EPHB2: variants seen among roughly 807,000 people sequenced by gnomAD.
EPHB2 encodes the protein ephrin type-B receptor 2.
EPHB2 carries 18 observed loss-of-function variants against 96.4 expected under a neutral mutation model. That is an observed-to-expected ratio of 0.19 (90% CI 0.13 to 0.28). The LOEUF (loss-of-function observed/expected upper bound fraction) is 0.28. Ranked by LOEUF, EPHB2 falls within the 10% of genes least tolerant of loss-of-function variation. The pLI is 1.00. For missense variants in EPHB2, 989 were observed against 1,355.4 expected (o/e 0.73, Z 4.25); for synonymous variants, 506 against 534.1 (o/e 0.95, Z 0.72).
rs962247777 is a variant in EPHB2 at position 22,790,309 on chromosome 1, T to C, written c.811+5233T>C. Among the ~76,000 whole-genome samples the C allele has an allele frequency of 6.6e-6, 1 of 152,024 alleles. No individual in the cohort carries two copies. Among genetic ancestry groups the C allele is most frequent in the African/African-American group, 2.4e-5 (1 of 41,368 alleles). On this transcript the variant is annotated intron_variant, in intron 3 of 15. Transcript: ENST00000374630. This position sits in a 1 kb window ranked among gnomAD's most constrained non-coding sequence, Gnocchi z 4.0. ...ATTCACCTGTTCATTTTTTATCGCA[T>C]GCCTAATCGGGGTCTACACTGGGCA... is the stretch of plus-strand genomic sequence containing the variant.
chr1:22,829,043 A>G (rs1465695351), intron 3 of EPHB2, among the ~76,000 whole-genome samples: 1 of 152,280 alleles, frequency 6.6e-6, no homozygotes, highest in Non-Finnish European at 1.5e-5. Context: ...AATATTCAAT[A>G]TTCAGGTGCC....
intron 3 of EPHB2, among the ~76,000 whole-genome samples, chr1:22,813,058 T>C (rs1160617622): frequency 1.3e-5 from 2 of 152,242 alleles, no homozygotes; most frequent in Non-Finnish European, 2.9e-5. Flanking sequence ...TGGCATATTA[T>C]ATACTTGCGT....
chr1:22,769,404 T>C (rs1157574351), intron 1 of EPHB2, among the ~76,000 whole-genome samples: 1 of 149,528 alleles, frequency 6.7e-6, no homozygotes, highest in Admixed American at 6.7e-5. Flanking sequence ...TCCAATACTT[T>C]TTTCTTTTTC....
chr1:22,851,657 G>T (rs1645627368), intron 3 of EPHB2, among the ~76,000 whole-genome samples: 1 of 152,208 alleles, frequency 6.6e-6, no homozygotes, highest in Admixed American at 6.5e-5. Context: ...AGATCGTGAA[G>T]ATTCTGCTGA....
intron 3 of EPHB2, among the ~76,000 whole-genome samples, chr1:22,854,803 G>T (rs1435020837): frequency 1.3e-5 from 2 of 152,150 alleles, no homozygotes; most frequent in Non-Finnish European, 2.9e-5. Flanking sequence ...TACGGAGGAG[G>T]ACCAGGCATC....
intron 1 of EPHB2, among the ~76,000 whole-genome samples, chr1:22,762,197 G>A: frequency 6.6e-6 from 1 of 152,172 alleles, no homozygotes; most frequent in East Asian, 1.9e-4. Flanking sequence ...TGTCCCTGAT[G>A]GCACCAGGGG....
At chr1:22,911,661 C>G (rs901003556) in intron 14 of EPHB2, among the ~76,000 whole-genome samples, 2 of 152,214 alleles carry the variant, frequency 1.3e-5, no homozygotes, top group Admixed American at 6.5e-5. Context: ...CACACACTTA[C>G]TCCTCAGGAC....
In EPHB2 at chr1:22,784,301, C is replaced by A; in HGVS notation, c.127-91C>A. The A allele has an allele frequency of 7.7e-7, 1 of 1,301,108 alleles. No homozygotes were observed. The highest frequency in any genetic ancestry group is 2.3e-5 in the East Asian group (1 of 42,688). 80.6% of individuals were successfully genotyped at this position (1,301,108 alleles called of 1,614,324 possible). A position where few individuals can be genotyped will look rare whatever the true frequency, so the allele number is the denominator to read the frequency against. On this transcript the variant is annotated intron_variant, in intron 2 of 15. Coordinates refer to ENST00000374630, the MANE Select transcript of EPHB2 (RefSeq NM_017449.5). The surrounding 1 kb of genome is among the most constrained non-coding windows in gnomAD (Gnocchi z 5.1). ...TCTTCACCATTAGACTGGAGGGTTC[C>A]CTAAGGCAGAGTCTGTGTCTTCCAC...
chr1:22,737,828 TC>T (rs1257546803), intron 1 of EPHB2, among the ~76,000 whole-genome samples: 1 of 152,046 alleles, frequency 6.6e-6, no homozygotes, highest in African/African-American at 2.4e-5. Context: ...GAAAATAACT[TC>T]CCCCTCTATC....
At chr1:22,725,874 G>C (rs897900752) in intron 1 of EPHB2, among the ~76,000 whole-genome samples, 14 of 152,156 alleles carry the variant, frequency 9.2e-5, no homozygotes, top group Admixed American at 9.2e-4. Flanking sequence ...TTAGAGCCAG[G>C]GGGAGATGCA....
intron 3 of EPHB2, among the ~76,000 whole-genome samples, chr1:22,840,315 A>G (rs1436780338): frequency 2.0e-5 from 3 of 152,234 alleles, no homozygotes; most frequent in Non-Finnish European, 2.9e-5. Flanking sequence ...TACTCTTGAT[A>G]GATAAGCTCC....
rs1645537693 is a variant in EPHB2 at position 22,846,151 on chromosome 1, G to T, written c.812-16886G>T. ...TCCCAGGGCGTGGCCAGGTGCGGTG[G>T]TTCACACCTGTAATCCTAGCAATTT... On this transcript the variant is annotated intron_variant, in intron 3 of 15. Transcript: ENST00000374630. The surrounding 1 kb of genome is among the most constrained non-coding windows in gnomAD (Gnocchi z 4.3). 6.6e-6 allele frequency among the ~76,000 whole-genome samples: 1 copy of T among 152,164 alleles called. No individual in the cohort carries two copies. The highest frequency in any genetic ancestry group is 2.1e-4 in the South Asian group (1 of 4,830).
chr1:22,866,924 A>G (rs1286391781), intron 5 of EPHB2, among the ~76,000 whole-genome samples: 4 of 152,106 alleles, frequency 2.6e-5, no homozygotes, highest in African/African-American at 9.7e-5. Context: ...ACAAGAGCAA[A>G]ATTCTGTCTA....
At chr1:22,870,033 A>G (rs150135957) in intron 5 of EPHB2, among the ~76,000 whole-genome samples, 3 of 152,276 alleles carry the variant, frequency 2.0e-5, no homozygotes, top group African/African-American at 4.8e-5. Context: ...GAGAAGTGCA[A>G]TCGGGCTGGG....
rs910287617 is a variant in EPHB2 at position 22,790,366 on chromosome 1, C to T, written c.811+5290C>T. 1.3e-5 allele frequency among the ~76,000 whole-genome samples: 2 copies of T among 152,156 alleles called. No homozygotes were observed. The highest frequency in any genetic ancestry group is 2.9e-5 in the Non-Finnish European group (2 of 68,024). On this transcript the variant is annotated intron_variant, in intron 3 of 15. Coordinates refer to ENST00000374630, the MANE Select transcript of EPHB2 (RefSeq NM_017449.5). This position sits in a 1 kb window ranked among gnomAD's most constrained non-coding sequence, Gnocchi z 4.0. ...TGCCAGGTGAGGATTCCTGGGACTT[C>T]CTTTAGAAGAGCCCTGTTCCCTCCC...
chr1:22,767,622 G>A (rs1302792850), intron 1 of EPHB2, among the ~76,000 whole-genome samples: 2 of 152,204 alleles, frequency 1.3e-5, no homozygotes, highest in Non-Finnish European at 2.9e-5. Context: ...TAGCTATGGT[G>A]ATAGAGATGC....
intron 1 of EPHB2, among the ~76,000 whole-genome samples, chr1:22,754,925 T>TAAGGTGAGGGGCAGGG (rs1644124006): frequency 7.2e-6 from 1 of 139,316 alleles, no homozygotes; most frequent in Non-Finnish European, 1.6e-5. Context: ...GCAGGGGAGG[T>TAAGGTGAGGGGCAGGG]GAGGTGAGGG....
In EPHB2 at chr1:22,860,356, T is replaced by A. The variant is rs1252597871; in HGVS notation, c.812-2681T>A. Among the ~76,000 whole-genome samples, 1 of 150,664 alleles carries A rather than the reference T, an allele frequency of 6.6e-6. No homozygotes were observed. The highest frequency in any genetic ancestry group is 1.5e-5 in the Non-Finnish European group (1 of 67,656). ...GGCTGTGGGGGGACAGGGTGGAGAGTGATGCCACTTCCCAGGGCAGAGAAG... is the reference window on the plus strand; with the variant it reads ...GGCTGTGGGGGGACAGGGTGGAGAGAGATGCCACTTCCCAGGGCAGAGAAG... On this transcript the variant is annotated intron_variant, in intron 3 of 15. Transcript: ENST00000374630. The surrounding 1 kb of genome is among the most constrained non-coding windows in gnomAD (Gnocchi z 4.6).
intron 1 of EPHB2, among the ~76,000 whole-genome samples, chr1:22,726,535 C>A (rs1335682763): frequency 6.6e-6 from 1 of 152,010 alleles, no homozygotes; most frequent in Non-Finnish European, 1.5e-5. Context: ...ATTCTCCTGC[C>A]TCAGTCTCCT....
Sources: allele counts gnomAD v4.1 joint callset (sites outside exome capture counted in the v4.1 genomes callset), GRCh38; gene constraint gnomAD v4.1.1; non-coding constraint Gnocchi (gnomAD v3.1); transcripts MANE v1.5; gene names NCBI Gene and HGNC (gene_info 2026-07-23, HGNC 2026-07-21).